The following HDAC2 variants were observed in gnomAD, a reference collection of about 807,000 sequenced individuals.
The protein encoded by HDAC2 is YY1-associated factor 1.
HDAC2 carries 5 observed loss-of-function variants against 68.5 expected under a neutral mutation model. The ratio of observed to expected loss-of-function variants is 0.07; its 90% confidence interval spans 0.04 to 0.15. The LOEUF (loss-of-function observed/expected upper bound fraction) is 0.15, where lower values mean the gene tolerates loss of function less well. Among genes scored for constraint, HDAC2 ranks in the 10% least tolerant of loss-of-function variants. The pLI is 1.00. For missense variants in HDAC2, 291 were observed against 600.8 expected (o/e 0.48, Z 5.39); for synonymous variants, 182 against 191.3 (o/e 0.95, Z 0.40).
At chr6:113,945,233 T>C in intron 10 of HDAC2, 129 bp downstream of exon 10, 2 of 452,232 alleles carry the variant, frequency 4.4e-6, no homozygotes, top group Non-Finnish European at 7.8e-6. Context: ...TAACTTAATG[T>C]TTCAAATCCT....
intron 1 of HDAC2, among the ~76,000 whole-genome samples, chr6:113,964,594 T>C (rs1181626750): frequency 1.3e-5 from 2 of 152,168 alleles, no homozygotes; most frequent in Non-Finnish European, 2.9e-5. Flanking sequence ...TAAATTCTCT[T>C]CTCTCGGGAG....
intron 1 of HDAC2, among the ~76,000 whole-genome samples, chr6:113,968,915 CT>C (rs1776902005): frequency 6.6e-6 from 1 of 152,158 alleles, no homozygotes; most frequent in Non-Finnish European, 1.5e-5. Flanking sequence ...TTACAAGCAG[CT>C]TACTTCCTCA....
Position 113,958,636 on chromosome 6 carries a change from C to T in HDAC2, c.283+13G>A. 7.7e-7 allele frequency: 1 copy of T among 1,295,244 alleles called. No homozygotes were observed. 80.2% of individuals were successfully genotyped at this position (1,295,244 alleles called of 1,614,324 possible). On this transcript the variant is annotated intron_variant, in intron 3 of 13. Transcript: ENST00000519065. ...TTTATCAAAGCAAAACTACTTTTTA[C>T]TTAGAAACGTACATCTCTGCATCTG...
At position 113,956,975 on chromosome 6, in the gene HDAC2, TATTTA is replaced by T. The variant is rs561179408; in HGVS notation, c.284-287_284-283del. The stretch of plus-strand genomic sequence containing the variant: ...ATAGTTGTCTAAGTACAACAATTCT[TATTTA>T]ATTAAAACACAGGCTTAAATTTTCT... On this transcript the variant is annotated intron_variant, in intron 3 of 13. Transcript: ENST00000519065. The T allele has an allele frequency of 4.5e-4, 120 of 266,154 alleles. 1 individual carries two copies. The highest frequency in any genetic ancestry group is 1.7e-4 in the Non-Finnish European group (24 of 141,164). 16.5% of individuals were successfully genotyped at this position (266,154 alleles called of 1,614,324 possible).
chr6:113,954,508 C>G (rs1446069106), intron 5 of HDAC2, among the ~76,000 whole-genome samples: 1 of 152,120 alleles, frequency 6.6e-6, no homozygotes, highest in African/African-American at 2.4e-5. Context: ...GATTACACCA[C>G]CCAAAAAAAT....
chr6:113,948,755 C>T lies in HDAC2; in HGVS notation c.841+224G>A, dbSNP rs1003561061. ...AAATAGCTGCCTTGGGTTCAAACTA[C>T]AATAAACCTTAAAAAACTAGTCTTG... On this transcript the variant is annotated intron_variant, in intron 8 of 13. Transcript: ENST00000519065. 9 of 452,904 alleles carry T rather than the reference C, an allele frequency of 2.0e-5. No homozygotes were observed. The South Asian group carries it at 4.6e-4, about 23-fold the overall frequency. 28.1% of individuals were successfully genotyped at this position (452,904 alleles called of 1,614,324 possible).
At chr6:113,956,180 T>A (rs1452113273) in intron 4 of HDAC2, 29 bp from the exon 5 acceptor site, 1 of 1,559,738 alleles carries the variant, frequency 6.4e-7, no homozygotes. Context: ...ATAGACCTTT[T>A]AAACATTTAT....
intron 1 of HDAC2, chr6:113,970,603 C>T: frequency 7.7e-7 from 1 of 1,306,606 alleles, no homozygotes; most frequent in Non-Finnish European, 9.7e-7. Flanking sequence ...AGGCTGCGGA[C>T]TGCACGGCCG....
chr6:113,950,089 G>A (rs886883176), intron 6 of HDAC2, among the ~76,000 whole-genome samples: 41 of 152,050 alleles, frequency 2.7e-4, no homozygotes, highest in Non-Finnish European at 5.4e-4. Context: ...CCTCAGATTT[G>A]TTCTTAATTG....
chr6:113,943,913 ACT>A, intron 11 of HDAC2, among the ~76,000 whole-genome samples: 1 of 152,346 alleles, frequency 6.6e-6, no homozygotes. Context: ...CATTACACAT[ACT>A]GTTATGCTAC....
intron 1 of HDAC2, chr6:113,968,417 A>T (rs1776878853): frequency 6.6e-6 from 1 of 152,222 alleles, no homozygotes; most frequent in African/African-American, 2.4e-5. Flanking sequence ...CTACTTTTGT[A>T]AGCTGACAAA....
chr6:113,942,007 T>C lies in HDAC2; in HGVS notation c.1379-242A>G, dbSNP rs77126459. Among the ~76,000 whole-genome samples, 329 of 152,130 alleles carry C rather than the reference T, an allele frequency of 2.2e-3. 1 individual carries two copies. Among genetic ancestry groups the C allele is most frequent in the African/African-American group, 7.7e-3 (319 of 41,550 alleles). ...GGCCCTAACTCTAGGTTTTGACCTATAGATTTAAAAAAAGCTTTCTGTGGT... is the reference window on the plus strand; with the variant it reads ...GGCCCTAACTCTAGGTTTTGACCTACAGATTTAAAAAAAGCTTTCTGTGGT... On this transcript the variant is annotated intron_variant, in intron 12 of 13. Transcript: ENST00000519065.
Position 113,939,480 on chromosome 6 carries a change from T to C in HDAC2, c.*1578A>G, listed in dbSNP as rs570548253. The C allele has an allele frequency of 6.6e-6, 1 of 152,190 alleles. No homozygotes were observed. The highest frequency in any genetic ancestry group is 2.4e-5 in the African/African-American group (1 of 41,448). 9.4% of individuals were successfully genotyped at this position (152,190 alleles called of 1,614,324 possible). ...AAATAAAAAAAGCAAAGTTACAGAA[T>C]TGTCCAAATACATACCATCTATGTT... is the stretch of plus-strand genomic sequence containing the variant. On this transcript the variant is annotated 3_prime_UTR_variant, in exon 14 of 14. Transcript: ENST00000519065.
chr6:113,955,665 C>A (rs542399461), intron 5 of HDAC2, among the ~76,000 whole-genome samples: 2 of 152,240 alleles, frequency 1.3e-5, no homozygotes, highest in Admixed American at 1.3e-4. Flanking sequence ...CAGATGCATG[C>A]CACCACATCT....
intron 5 of HDAC2, 152 bp from the exon 6 acceptor site, chr6:113,953,570 G>A (rs1448419100): frequency 1.4e-5 from 7 of 517,472 alleles, no homozygotes; most frequent in Non-Finnish European, 1.0e-5. Context: ...TCAAATATCT[G>A]AGGTTTGAGC....
intron 1 of HDAC2, chr6:113,970,655 T>G (rs531586971): frequency 1.5e-6 from 2 of 1,349,926 alleles, no homozygotes; most frequent in Non-Finnish European, 1.9e-6. Context: ...GCCCCCTGAT[T>G]CCCGCCCGCA....
intron 6 of HDAC2, among the ~76,000 whole-genome samples, chr6:113,952,764 T>TA (rs1331987865): frequency 1.3e-5 from 2 of 152,186 alleles, no homozygotes; most frequent in African/African-American, 4.8e-5. Context: ...GAAATACACT[T>TA]AATGTTAACA....
intron 1 of HDAC2, among the ~76,000 whole-genome samples, chr6:113,967,797 TCTA>T (rs1776859076): frequency 6.6e-6 from 1 of 152,170 alleles, no homozygotes; most frequent in Admixed American, 6.5e-5. Context: ...TTAGTGACTA[TCTA>T]ATTAGCTGTA....
At chr6:113,969,549 G>C (rs1447583238) in intron 1 of HDAC2, among the ~76,000 whole-genome samples, 1 of 152,176 alleles carries the variant, frequency 6.6e-6, no homozygotes, top group Non-Finnish European at 1.5e-5. Context: ...GGACTTTCAG[G>C]AGAAGGAGCC....
Sources: allele counts gnomAD v4.1 joint callset (sites outside exome capture counted in the v4.1 genomes callset), GRCh38; gene constraint gnomAD v4.1.1; transcripts MANE v1.5; gene names NCBI Gene and HGNC (gene_info 2026-07-23, HGNC 2026-07-21).